ATP8A2: variants seen among roughly 807,000 people sequenced by gnomAD.
ATP8A2 encodes the protein ATPase phospholipid transporting 8A2.
In ATP8A2, 100 loss-of-function variants were observed where a neutral mutation model predicts 165.6. The ratio of observed to expected loss-of-function variants is 0.60; its 90% CI spans 0.51 to 0.71. The LOEUF (loss-of-function observed/expected upper bound fraction) is 0.71. ATP8A2 is among the 30% of genes least tolerant of loss of function. The probability of loss-of-function intolerance (pLI) is 0.00; values close to 1 mark genes in which losing one functional copy is unlikely to be tolerated. For missense variants in ATP8A2, 1,227 were observed against 1,479.5 expected, an observed-to-expected ratio of 0.83 and a Z score of 2.80; for synonymous variants, 543 against 548.8, an observed-to-expected ratio of 0.99 and a Z score of 0.15.
At chr13:25,789,218 C>A (rs548109317) in intron 27 of ATP8A2, among the ~76,000 whole-genome samples, 1 of 152,118 alleles carries the variant, frequency 6.6e-6, no homozygotes, top group African/African-American at 2.4e-5. Flanking sequence ...ATAGCATATG[C>A]AGTCACTACA....
Position 25,571,501 on chromosome 13 carries a change from A to G in ATP8A2, c.1580-109A>G, listed in dbSNP as rs2039466855. The G allele has an allele frequency of 1.7e-5, 13 of 755,514 alleles. No individual in the cohort carries two copies. In the East Asian group the frequency reaches 3.0e-4, roughly 18 times the overall value. The allele number at this position is 755,514 out of a possible 1,614,324, so 46.8% of individuals were successfully genotyped here. A position where few individuals can be genotyped will look rare whatever the true frequency, so the allele number is the denominator to read the frequency against. On this transcript the variant is annotated intron_variant, in intron 17 of 36. Transcript: ENST00000381655. ...GAGTCTTTACTATTATGCAGATAAC[A>G]CCAGGCCTCCTTCAGTAGAGCGGAT...
chr13:25,775,001 T>G, intron 27 of ATP8A2, 42 bp downstream of exon 27: 1 of 1,128,568 alleles, frequency 8.9e-7, no homozygotes, highest in Non-Finnish European at 1.3e-6. Flanking sequence ...AAAGTTCTTT[T>G]AAGAGGATAT....
Position 25,540,398 on chromosome 13 carries a change from C to G in ATP8A2, c.651+10C>G. On this transcript the variant is annotated intron_variant, in intron 8 of 36. Transcript: ENST00000381655. Reference sequence around the variant, plus strand: ...CCTTAAAATACGTCAGGTAAAGTCACCTCTGATGACTTGTGTTGTTATGGT... The same window carrying G: ...CCTTAAAATACGTCAGGTAAAGTCAGCTCTGATGACTTGTGTTGTTATGGT... 6.3e-7 allele frequency: 1 copy of G among 1,586,754 alleles called. No homozygotes were observed. The highest frequency in any genetic ancestry group is 8.7e-7 in the Non-Finnish European group (1 of 1,155,022).
chr13:25,784,976 G>A, intron 27 of ATP8A2, among the ~76,000 whole-genome samples: 1 of 151,804 alleles, frequency 6.6e-6, no homozygotes, highest in Non-Finnish European at 1.5e-5. Context: ...TGTTGGTCAG[G>A]CTGGTCTCAA....
intron 24 of ATP8A2, among the ~76,000 whole-genome samples, chr13:25,677,941 G>A (rs2042404101): frequency 1.3e-5 from 2 of 152,184 alleles, no homozygotes; most frequent in Admixed American, 1.3e-4. Context: ...GCGAATGAGA[G>A]GGGGTGGGGG....
At chr13:25,403,962 A>G (rs550262945) in intron 1 of ATP8A2, among the ~76,000 whole-genome samples, 1 of 152,342 alleles carries the variant, frequency 6.6e-6, no homozygotes, top group South Asian at 2.1e-4. Flanking sequence ...GGATCCATGC[A>G]TTCATTCACT....
intron 33 of ATP8A2, among the ~76,000 whole-genome samples, chr13:25,866,671 C>T (rs1255330648): frequency 2.6e-5 from 4 of 152,090 alleles, no homozygotes; most frequent in Non-Finnish European, 5.9e-5. Context: ...CACATATACA[C>T]AGACACACAT....
At chr13:25,899,431 C>T (rs955494816) in intron 33 of ATP8A2, among the ~76,000 whole-genome samples, 1 of 152,142 alleles carries the variant, frequency 6.6e-6, no homozygotes, top group Non-Finnish European at 1.5e-5. Context: ...CCAGATAATG[C>T]ATACGGGTGT....
At chr13:25,885,171 G>A (rs1477222462) in intron 33 of ATP8A2, among the ~76,000 whole-genome samples, 2 of 144,998 alleles carry the variant, frequency 1.4e-5, no homozygotes, top group African/African-American at 2.6e-5. Flanking sequence ...GGAGTGCAGT[G>A]GTGCGATCTT....
At chr13:25,735,434 A>T (rs1566089325) in intron 25 of ATP8A2, among the ~76,000 whole-genome samples, 1 of 151,742 alleles carries the variant, frequency 6.6e-6, no homozygotes, top group Non-Finnish European at 1.5e-5. Flanking sequence ...TAATTTTTTA[A>T]ACTTTTTGTA....
chr13:25,605,822 G>A (rs955989745), intron 24 of ATP8A2, among the ~76,000 whole-genome samples: 7 of 152,122 alleles, frequency 4.6e-5, no homozygotes, highest in African/African-American at 1.7e-4. Context: ...AACCTTTAAT[G>A]TCTAGGAAAA....
chr13:25,920,501 T>C (rs1399533175), intron 33 of ATP8A2, among the ~76,000 whole-genome samples: 1 of 152,146 alleles, frequency 6.6e-6, no homozygotes, highest in African/African-American at 2.4e-5. Context: ...CCTTAGTAAA[T>C]GGCTCCACCA....
chr13:25,996,692 AT>A (rs890392496), intron 35 of ATP8A2, among the ~76,000 whole-genome samples: 3 of 150,272 alleles, frequency 2.0e-5, no homozygotes, highest in Admixed American at 6.6e-5. Context: ...TGCCTGGCTA[AT>A]TTTTTTTTGA....
intron 1 of ATP8A2, among the ~76,000 whole-genome samples, chr13:25,422,934 T>G (rs528300129): frequency 6.6e-6 from 1 of 152,296 alleles, no homozygotes; most frequent in East Asian, 1.9e-4. Flanking sequence ...TTTTTGCAGT[T>G]TTTGGTAATA....
intron 2 of ATP8A2, among the ~76,000 whole-genome samples, chr13:25,512,794 C>A (rs1368845926): frequency 7.0e-6 from 1 of 143,586 alleles, no homozygotes; most frequent in Non-Finnish European, 1.5e-5. Context: ...CTGACCCCCC[C>A]ATCTCCCTCC....
intron 16 of ATP8A2, chr13:25,567,319 A>AC (rs910973163): frequency 4.4e-6 from 2 of 456,432 alleles, no homozygotes; most frequent in African/African-American, 4.0e-5. Flanking sequence ...GCCTTCCCCT[A>AC]CCCACTGCTT....
chr13:25,573,415 G>A (rs1186203498), intron 18 of ATP8A2, among the ~76,000 whole-genome samples: 1 of 152,046 alleles, frequency 6.6e-6, no homozygotes, highest in African/African-American at 2.4e-5. Context: ...CATATTTCTG[G>A]GGGTCACAAA....
chr13:25,989,048 C>T (rs1956329642), intron 35 of ATP8A2, among the ~76,000 whole-genome samples: 3 of 152,226 alleles, frequency 2.0e-5, no homozygotes, highest in African/African-American at 2.4e-5. Context: ...GTGCCAAGCA[C>T]CTTGAACCCT....
chr13:25,991,784 A>G (rs1291605439), intron 35 of ATP8A2, among the ~76,000 whole-genome samples: 1 of 152,226 alleles, frequency 6.6e-6, no homozygotes, highest in African/African-American at 2.4e-5. Context: ...GCTCTTATAC[A>G]TAAAACTCTT....
Sources: gnomAD v4.1 joint callset for allele counts (sites outside exome capture counted in the v4.1 genomes callset) on GRCh38, gnomAD v4.1.1 for gene constraint, MANE v1.5 for transcripts, NCBI Gene and HGNC (gene_info 2026-07-23, HGNC 2026-07-21) for gene names.